Variants in RBFOX3 observed in about 807,000 individuals in gnomAD.
RBFOX3 encodes the protein RNA binding protein fox-1 homolog 3.
Under a neutral mutation model 48.7 loss-of-function variants are expected in RBFOX3, and 17 were observed. That is an observed-to-expected ratio of 0.35 (90% CI 0.24 to 0.52). The LOEUF is 0.52. RBFOX3 is among the 20% of genes least tolerant of loss of function. The pLI, the probability that RBFOX3 is intolerant of heterozygous loss-of-function variation, is 0.94. For synonymous variants in RBFOX3, 212 were observed against 209.5 expected, an observed-to-expected ratio of 1.01 and a Z score of -0.10; for missense variants, 382 against 497.5, an observed-to-expected ratio of 0.77 and a Z score of 2.21.
chr17:79,251,545 ATTC>A (rs2063957881), intron 3 of RBFOX3, among the ~76,000 whole-genome samples: 3 of 152,010 alleles, frequency 2.0e-5, no homozygotes, highest in African/African-American at 7.2e-5. Context: ...GGTCCTATGC[ATTC>A]TTCTTCCTTA....
chr17:79,167,795 G>A (rs2048329177), intron 4 of RBFOX3, among the ~76,000 whole-genome samples: 1 of 152,238 alleles, frequency 6.6e-6, no homozygotes, highest in Admixed American at 6.5e-5. Context: ...CCGGAGCACG[G>A]GGCCTGGAGG....
At chr17:79,276,548 G>A (rs2068874550) in intron 3 of RBFOX3, among the ~76,000 whole-genome samples, 1 of 152,262 alleles carries the variant, frequency 6.6e-6, no homozygotes, top group African/African-American at 2.4e-5. Context: ...AGCTGGGTCT[G>A]GTGGTGGGCG....
At chr17:79,474,936 G>GC (rs1217047268) in intron 2 of RBFOX3, among the ~76,000 whole-genome samples, 1 of 152,010 alleles carries the variant, frequency 6.6e-6, no homozygotes, top group Non-Finnish European at 1.5e-5. Context: ...CACCTCAAGA[G>GC]CCCCCTGGAG....
chr17:79,450,296 G>A (rs139412089), intron 2 of RBFOX3, among the ~76,000 whole-genome samples: 6 of 152,348 alleles, frequency 3.9e-5, no homozygotes, highest in African/African-American at 1.4e-4. Context: ...TCCCTTCTCA[G>A]GCTGTGAATG....
chr17:79,416,544 G>A (rs566638666), intron 2 of RBFOX3, among the ~76,000 whole-genome samples: 21 of 152,370 alleles, frequency 1.4e-4, no homozygotes, highest in African/African-American at 4.1e-4. Context: ...CTGCGATGGC[G>A]TGACCAGAGA....
At position 79,356,373 on chromosome 17, in the gene RBFOX3, T is replaced by TTG. The variant is rs762597632; in HGVS notation, c.-174-48550_-174-48549insCA. On this transcript the variant is annotated intron_variant, in intron 2 of 14. Transcript: ENST00000693108. Reference sequence around the variant, plus strand: ...GTTTTTTTTTTTTTTTTTTTTTTTTTTTTTTTTTTTTTTGAGGAGGAGTCT... The same window carrying TTG: ...GTTTTTTTTTTTTTTTTTTTTTTTTTTGTTTTTTTTTTTTTGAGGAGGAGTCT... Among the ~76,000 whole-genome samples the TTG allele has an allele frequency of 4.5e-4, 40 of 88,992 alleles. 1 individual carries two copies. The highest frequency in any genetic ancestry group is 2.4e-3 in the Admixed American group (18 of 7,564). The allele number at this position is 88,992 out of a possible 152,430, so 58.4% of individuals were successfully genotyped here.
chr17:79,130,215 A>G (rs2038472859), intron 4 of RBFOX3, among the ~76,000 whole-genome samples: 1 of 152,102 alleles, frequency 6.6e-6, no homozygotes, highest in African/African-American at 2.4e-5. Flanking sequence ...TTAGGTCTCC[A>G]TGTTCCACAG....
chr17:79,645,746 C>T, the RBFOX3 span, among the ~76,000 whole-genome samples: 1 of 152,206 alleles, frequency 6.6e-6, no homozygotes, highest in Non-Finnish European at 1.5e-5. Flanking sequence ...GCTGCCTGGC[C>T]AGGGCAGAAG....
the RBFOX3 span, among the ~76,000 whole-genome samples, chr17:79,620,216 CAG>C: frequency 1.0e-4 from 15 of 149,800 alleles, no homozygotes; most frequent in African/African-American, 3.4e-4. Context: ...CATGCACACA[CAG>C]GGACATGCAC....
chr17:79,243,475 G>A lies in RBFOX3; in HGVS notation c.-73-7670C>T, dbSNP rs1004461629. ...GTGCTGGGCTTTGCAAAGCCCATGT[G>A]CCTTTGCCCTGGGGTGTCATTTGGG... On this transcript the variant is annotated intron_variant, in intron 3 of 14. Coordinates refer to ENST00000693108, the MANE Select transcript of RBFOX3 (RefSeq NM_001350451.2). This position sits in a 1 kb window ranked among gnomAD's most constrained non-coding sequence, Gnocchi z 7.9. Among the ~76,000 whole-genome samples the A allele has an allele frequency of 6.6e-6, 1 of 151,872 alleles. No homozygotes were observed. The highest frequency in any genetic ancestry group is 6.6e-5 in the Admixed American group (1 of 15,236).
At chr17:79,126,500 G>A (rs2037330467) in intron 4 of RBFOX3, among the ~76,000 whole-genome samples, 2 of 152,146 alleles carry the variant, frequency 1.3e-5, no homozygotes, top group African/African-American at 4.8e-5. Context: ...TCCAGTCCCT[G>A]GGGTCCCTGA....
chr17:79,375,796 G>A (rs968720055), intron 2 of RBFOX3, among the ~76,000 whole-genome samples: 8 of 152,184 alleles, frequency 5.3e-5, no homozygotes, highest in South Asian at 2.1e-4. Flanking sequence ...GCCCCTCACC[G>A]TCAGGTCCAT....
intron 4 of RBFOX3, among the ~76,000 whole-genome samples, chr17:79,128,631 G>A (rs59802787): frequency 6.6e-6 from 1 of 152,328 alleles, no homozygotes; most frequent in African/African-American, 2.4e-5. Context: ...TGAGAGCAGA[G>A]GCCCCTGACC....
chr17:79,401,067 C>T (rs1182371428), intron 2 of RBFOX3, among the ~76,000 whole-genome samples: 1 of 152,252 alleles, frequency 6.6e-6, no homozygotes, highest in Non-Finnish European at 1.5e-5. Context: ...AATTCACAGA[C>T]GCAGAGCCTC....
intron 3 of RBFOX3, among the ~76,000 whole-genome samples, chr17:79,295,653 C>G (rs2074219258): frequency 6.6e-6 from 1 of 152,220 alleles, no homozygotes. Context: ...TTCAGCCATT[C>G]TCACCACATC....
At chr17:79,358,956 G>A (rs8069502) in intron 2 of RBFOX3, among the ~76,000 whole-genome samples, 36,933 of 152,110 alleles carry the variant, frequency 0.24, 4,664 homozygotes, top group East Asian at 0.35. Flanking sequence ...GAGGGCTCGC[G>A]CAGAGCAGAC....
chr17:79,275,766 G>C (rs773027661), intron 3 of RBFOX3, among the ~76,000 whole-genome samples: 1 of 152,204 alleles, frequency 6.6e-6, no homozygotes, highest in Non-Finnish European at 1.5e-5. Context: ...GCTATGGATG[G>C]TCAGGAAGCA....
the RBFOX3 span, among the ~76,000 whole-genome samples, chr17:79,619,573 T>A: frequency 0.41 from 62,386 of 151,938 alleles, 13,205 homozygotes; most frequent in East Asian, 0.69. Context: ...CTTCATCTTA[T>A]CTAACTATAC....
At chr17:79,119,592 T>G (rs2035132896) in intron 4 of RBFOX3, among the ~76,000 whole-genome samples, 1 of 152,116 alleles carries the variant, frequency 6.6e-6, no homozygotes. Context: ...GGCTCCAATG[T>G]CCCCTCTTAG....
Sources: gnomAD v4.1 joint callset for allele counts (sites outside exome capture counted in the v4.1 genomes callset) on GRCh38, gnomAD v4.1.1 for gene constraint, Gnocchi (gnomAD v3.1) non-coding constraint, MANE v1.5 for transcripts, NCBI Gene and HGNC (gene_info 2026-07-23, HGNC 2026-07-21) for gene names.